FGFRL1: variants seen among roughly 807,000 people sequenced by gnomAD.
The protein encoded by FGFRL1 is fibroblast growth factor receptor-like 1.
FGFRL1 carries 24 observed loss-of-function variants against 36.8 expected under a neutral mutation model. The ratio of observed to expected loss-of-function variants is 0.65; its 90% CI spans 0.47 to 0.92. FGFRL1 has a LOEUF of 0.92. Among genes scored for constraint, FGFRL1 ranks in the 40% least tolerant of loss-of-function variants. The pLI, the probability that FGFRL1 is intolerant of heterozygous loss-of-function variation, is 0.00. For missense variants in FGFRL1, 785 were observed against 753.4 expected, an observed-to-expected ratio of 1.04 and a Z score of -0.49; for synonymous variants, 422 against 344.1, an observed-to-expected ratio of 1.23 and a Z score of -2.50.
intron 2 of FGFRL1, among the ~76,000 whole-genome samples, chr4:1,019,377 G>A (rs1369228778): frequency 2.0e-5 from 3 of 152,240 alleles, no homozygotes; most frequent in Non-Finnish European, 4.4e-5. Context: ...CTGTGCCCAG[G>A]TAGCCAGCCA....
At chr4:1,016,518 G>A (rs1052012179) in intron 2 of FGFRL1, among the ~76,000 whole-genome samples, 1 of 152,098 alleles carries the variant, frequency 6.6e-6, no homozygotes, top group African/African-American at 2.4e-5. Flanking sequence ...CGAGGAGGGG[G>A]AGCAGTGCCC....
intron 6 of FGFRL1, 93 bp downstream of exon 6, chr4:1,024,757 C>T (rs1461908539): frequency 1.4e-6 from 2 of 1,411,310 alleles, no homozygotes; most frequent in East Asian, 2.4e-5. Flanking sequence ...CCCCACCCTT[C>T]CCTCCCGGGC....
intron 2 of FGFRL1, among the ~76,000 whole-genome samples, chr4:1,013,435 G>A (rs781137037): frequency 5.3e-5 from 8 of 152,222 alleles, no homozygotes; most frequent in Non-Finnish European, 7.3e-5. Flanking sequence ...CTCCCCTGCC[G>A]CCCAGCAAGC....
intron 2 of FGFRL1, among the ~76,000 whole-genome samples, chr4:1,018,051 G>A (rs971202886): frequency 2.0e-5 from 3 of 152,220 alleles, no homozygotes; most frequent in African/African-American, 7.2e-5. Flanking sequence ...TACGGGGTGA[G>A]GGGTGTCGGA....
chr4:1,015,864 C>T (rs748646740), intron 2 of FGFRL1, among the ~76,000 whole-genome samples: 5 of 152,244 alleles, frequency 3.3e-5, no homozygotes, highest in Non-Finnish European at 7.3e-5. Flanking sequence ...CCTCTACACT[C>T]CCTGTAGCCT....
At position 1,024,352 on chromosome 4, in the gene FGFRL1, G is replaced by A. The variant is rs746770205; in HGVS notation, c.760G>A (p.Val254Met). 13 of 1,611,206 alleles carry A rather than the reference G, an allele frequency of 8.1e-6. No homozygotes were observed. The highest frequency in any genetic ancestry group is 4.4e-5 in the South Asian group (4 of 90,990). The change falls in exon 6 of 7, where the codon GTG (valine) becomes ATG (methionine). Residue 254 changes from valine to methionine, a missense_variant. Coordinates refer to ENST00000510644, the MANE Select transcript of FGFRL1 (RefSeq NM_001004356.3). The part of the protein sequence containing the change: ...SKPVLTGTHP[V>M]NTTVDFGGTT... ...GCCCGTGCTCACAGGCACGCACCCC[G>A]TGAACACGACGGTGGACTTCGGGGG... is the stretch of plus-strand genomic sequence containing the variant.
rs771970929 is a variant in FGFRL1, at chr4:1,024,293, C to T, written c.719-18C>T. The stretch of plus-strand genomic sequence containing the variant: ...CGGCGCGGCCCAGGAGCCATGCCCG[C>T]GTGCCACGTTCCCACAGAGCGGACC... On this transcript the variant is annotated intron_variant, in intron 5 of 6. Coordinates refer to ENST00000510644, the MANE Select transcript of FGFRL1 (RefSeq NM_001004356.3). The T allele has an allele frequency of 1.4e-5, 22 of 1,570,642 alleles. No homozygotes were observed. The highest frequency in any genetic ancestry group is 4.5e-5 in the East Asian group (2 of 44,352).
chr4:1,023,226 G>C lies in FGFRL1; in HGVS notation c.353-415G>C, dbSNP rs1178196073. ...GGCATTGTGTGGAATGGGAAAACTGGCTGTCCCCCACCCCCACCCCACAGT... is the reference window on the plus strand; with the variant it reads ...GGCATTGTGTGGAATGGGAAAACTGCCTGTCCCCCACCCCCACCCCACAGT... On this transcript the variant is annotated intron_variant, in intron 3 of 6. Transcript: ENST00000510644. This position sits in a 1 kb window ranked among gnomAD's most constrained non-coding sequence, Gnocchi z 6.0. 6.6e-6 allele frequency among the ~76,000 whole-genome samples: 1 copy of C among 152,136 alleles called. No individual in the cohort carries two copies. Among genetic ancestry groups the C allele is most frequent in the Non-Finnish European group, 1.5e-5 (1 of 67,996 alleles).
chr4:1,016,453 C>T (rs1013286193), intron 2 of FGFRL1, among the ~76,000 whole-genome samples: 1 of 152,070 alleles, frequency 6.6e-6, no homozygotes, highest in Non-Finnish European at 1.5e-5. Flanking sequence ...AGGTTCTCTC[C>T]AGGGCGTGGG....
At chr4:1,017,679 G>C (rs562956653) in intron 2 of FGFRL1, among the ~76,000 whole-genome samples, 1 of 152,174 alleles carries the variant, frequency 6.6e-6, no homozygotes, top group Non-Finnish European at 1.5e-5. Context: ...GTCCTAGCTC[G>C]TGTCTTCTCC....
chr4:1,021,783 G>A (rs1204992523), intron 2 of FGFRL1, among the ~76,000 whole-genome samples: 1 of 152,172 alleles, frequency 6.6e-6, no homozygotes, highest in Admixed American at 6.5e-5. Flanking sequence ...GTCCTTGGGG[G>A]GCCACTGTCC....
chr4:1,018,466 A>C (rs1039863902), intron 2 of FGFRL1, among the ~76,000 whole-genome samples: 3 of 151,672 alleles, frequency 2.0e-5, no homozygotes, highest in African/African-American at 7.3e-5. Flanking sequence ...GACTCAGTTT[A>C]CTCTCATGTC....
chr4:1,025,185 G>A lies in FGFRL1; in HGVS notation c.1353G>A (p.Gly451=), dbSNP rs747467662. ...GPGVGLCEEH[G]SPAAPQHLLG... ...GTGTGGGGCTGTGTGAGGAGCATGG[G>A]TCTCCGGCAGCCCCCCAGCACTTAC... Residue 451 remains glycine, a synonymous_variant, in exon 7 of 7, where the codon GGG becomes GGA. Transcript: ENST00000510644. 9.3e-6 allele frequency: 15 copies of A among 1,610,416 alleles called. No individual in the cohort carries two copies. The highest frequency in any genetic ancestry group is 3.3e-4 in the Middle Eastern group (2 of 6,058).
At position 1,025,288 on chromosome 4, in the gene FGFRL1, TCTCA is replaced by T; in HGVS notation, c.1458_1461del (p.Ser490ThrfsTer89). On this transcript the variant is annotated frameshift_variant, in exon 7 of 7. Transcript: ENST00000510644. LOFTEE classifies it high-confidence loss of function. ...CATCCACACACACACACACACACACTCTCACACACACTCACACGTGGAGGGCAAG... is the reference window on the plus strand; with the variant it reads ...CATCCACACACACACACACACACACTCACACACTCACACGTGGAGGGCAAG... The T allele has an allele frequency of 1.9e-6, 3 of 1,567,740 alleles. No homozygotes were observed. The highest frequency in any genetic ancestry group is 2.6e-6 in the Non-Finnish European group (3 of 1,156,278).
At chr4:1,024,809 G>C in intron 6 of FGFRL1, 96 bp from the exon 7 acceptor site, 2 of 1,419,036 alleles carry the variant, frequency 1.4e-6, no homozygotes, top group Non-Finnish European at 1.9e-6. Flanking sequence ...CAGCCCAGGG[G>C]CACCGTCTCC....
chr4:1,012,553 C>T lies in FGFRL1; in HGVS notation c.68C>T (p.Ala23Val), dbSNP rs1457264626. 9 of 1,462,672 alleles carry T rather than the reference C, an allele frequency of 6.2e-6. No homozygotes were observed. Among genetic ancestry groups the T allele is most frequent in the Non-Finnish European group, 8.2e-6 (9 of 1,095,510 alleles). 90.6% of individuals were successfully genotyped at this position (1,462,672 alleles called of 1,614,324 possible). Residue 23 changes from alanine to valine, a missense_variant, in exon 2 of 7, where the codon GCC becomes GTC. Coordinates refer to ENST00000510644, the MANE Select transcript of FGFRL1 (RefSeq NM_001004356.3). ...CTGCTGGGGGCCTTCCCGCCGGCCG[C>T]CGCCGCCCGAGGTGAGTTCTGGCGC... ...PLLLGAFPPA[A>V]AARGPPKMAD... is the part of the protein sequence containing the mutation.
intron 3 of FGFRL1, 117 bp downstream of exon 3, chr4:1,022,592 C>T: frequency 7.4e-7 from 1 of 1,346,690 alleles, no homozygotes; most frequent in Non-Finnish European, 9.9e-7. Flanking sequence ...CGGCAGAAAG[C>T]CTTCCTTCGG....
At chr4:1,014,868 TG>T (rs1195790571) in intron 2 of FGFRL1, among the ~76,000 whole-genome samples, 1 of 152,080 alleles carries the variant, frequency 6.6e-6, no homozygotes, top group African/African-American at 2.4e-5. Flanking sequence ...ACTGTCCCCT[TG>T]GGGGGAGGGA....
Position 1,022,239 on chromosome 4 carries a change from A to G in FGFRL1, c.116A>G (p.Gln39Arg). 1 of 1,556,032 alleles carries G rather than the reference A, an allele frequency of 6.4e-7. No individual in the cohort carries two copies. The highest frequency in any genetic ancestry group is 8.7e-7 in the Non-Finnish European group (1 of 1,148,016). The change falls in exon 3 of 7, where the codon CAG (glutamine) becomes CGG (arginine). Residue 39 changes from glutamine to arginine, a missense_variant. Transcript: ENST00000510644. ...PKMADKVVPR[Q>R]VARLGRTVRL... The stretch of plus-strand genomic sequence containing the variant: ...ATGGCGGACAAGGTGGTCCCACGGC[A>G]GGTGGCCCGGCTGGGCCGCACTGTG...
Sources: allele counts gnomAD v4.1 joint callset (sites outside exome capture counted in the v4.1 genomes callset), GRCh38; gene constraint gnomAD v4.1.1; non-coding constraint Gnocchi (gnomAD v3.1); transcripts MANE v1.5; gene names NCBI Gene and HGNC (gene_info 2026-07-23, HGNC 2026-07-21).